Variants in AGBL1 observed in about 807,000 individuals in gnomAD.
AGBL1 encodes AGBL carboxypeptidase 1, also known as cytosolic carboxypeptidase 4.
A neutral mutation model predicts 118.9 loss-of-function variants in AGBL1; 130 were observed. The observed-to-expected ratio is 1.09, with a 90% confidence interval of 0.95 to 1.26. AGBL1 has a LOEUF of 1.26. Ranked by LOEUF, AGBL1 falls within the 50% of genes most tolerant of loss-of-function variation. The probability of loss-of-function intolerance (pLI) is 0.00; values close to 1 mark genes in which losing one functional copy is unlikely to be tolerated. For synonymous variants in AGBL1, 555 were observed against 478.9 expected (o/e 1.16, Z -2.08); for missense variants, 1,584 against 1,298.1 (o/e 1.22, Z -3.38).
chr15:86,200,397 C>T (rs1441790279), intron 5 of AGBL1, among the ~76,000 whole-genome samples: 1 of 152,140 alleles, frequency 6.6e-6, no homozygotes, highest in Non-Finnish European at 1.5e-5. Context: ...TTTATGCCAT[C>T]TATGGCATTT....
intron 1 of AGBL1, among the ~76,000 whole-genome samples, chr15:86,110,432 A>G (rs1292031106): frequency 6.6e-6 from 1 of 152,196 alleles, no homozygotes; most frequent in Non-Finnish European, 1.5e-5. Context: ...AAGAAAGAAA[A>G]ATATATTTAC....
intron 18 of AGBL1, among the ~76,000 whole-genome samples, chr15:86,429,605 A>G (rs2081910856): frequency 6.6e-6 from 1 of 152,180 alleles, no homozygotes; most frequent in African/African-American, 2.4e-5. Flanking sequence ...AGGAATCTAC[A>G]TGAAAGCTCC....
At chr15:86,616,359 A>AT (rs2084724910) in intron 21 of AGBL1, among the ~76,000 whole-genome samples, 1 of 151,584 alleles carries the variant, frequency 6.6e-6, no homozygotes, top group Non-Finnish European at 1.5e-5. Flanking sequence ...AAAAAAAAAA[A>AT]AAAAAAAAAA....
chr15:86,448,053 G>A (rs2082146229), intron 18 of AGBL1, among the ~76,000 whole-genome samples: 2 of 152,100 alleles, frequency 1.3e-5, no homozygotes, highest in South Asian at 2.1e-4. Context: ...GGTGTGGTGG[G>A]AGGGTCACCT....
intron 15 of AGBL1, among the ~76,000 whole-genome samples, chr15:86,273,895 T>C (rs2079201450): frequency 3.3e-5 from 5 of 152,214 alleles, no homozygotes. Context: ...TTGCATTTTC[T>C]TTCAGAAGTT....
intron 5 of AGBL1, among the ~76,000 whole-genome samples, chr15:86,190,996 G>C (rs1187560313): frequency 3.9e-5 from 6 of 152,086 alleles, no homozygotes; most frequent in Non-Finnish European, 8.8e-5. Flanking sequence ...CCAAAGGGTA[G>C]GATGCCAAAA....
At chr15:86,862,350 TATG>T (rs1451401891) in intron 22 of AGBL1, among the ~76,000 whole-genome samples, 1 of 152,346 alleles carries the variant, frequency 6.6e-6, no homozygotes, top group Non-Finnish European at 1.5e-5. Flanking sequence ...TCAAATTGTT[TATG>T]ATATTAGCCC....
chr15:86,344,732 A>G (rs1188554733), intron 17 of AGBL1, among the ~76,000 whole-genome samples: 2 of 152,114 alleles, frequency 1.3e-5, no homozygotes, highest in South Asian at 2.1e-4. Flanking sequence ...GATAATGCAA[A>G]TAAGGCACCT....
intron 22 of AGBL1, among the ~76,000 whole-genome samples, chr15:86,792,398 T>C (rs2141332618): frequency 6.6e-6 from 1 of 152,276 alleles, no homozygotes. Flanking sequence ...TTGGAAAGTG[T>C]CATTCCAAAT....
At position 86,827,449 on chromosome 15, in the gene AGBL1, G is replaced by GTATATA. The variant is rs1317318771; in HGVS notation, c.3159-79623_3159-79618dup. The stretch of plus-strand genomic sequence containing the variant: ...TATATACACATATATATATGTGTGT[G>GTATATA]TATATATATATATATATATACATAT... On this transcript the variant is annotated intron_variant, in intron 22 of 22. Transcript: ENST00000614907. Among the ~76,000 whole-genome samples, 2 of 4,290 alleles carry GTATATA rather than the reference G, an allele frequency of 4.7e-4. 1 individual carries two copies. Among genetic ancestry groups the GTATATA allele is most frequent in the Non-Finnish European group, 8.5e-4 (2 of 2,362 alleles). 2.8% of individuals were successfully genotyped at this position (4,290 alleles called of 152,430 possible).
intron 24 of AGBL1, among the ~76,000 whole-genome samples, chr15:87,003,542 A>G (rs2081464018): frequency 6.6e-6 from 1 of 152,192 alleles, no homozygotes. Flanking sequence ...GAATAGTTTC[A>G]GAAGGAATGG....
At chr15:86,547,279 G>A (rs1240401925) in intron 20 of AGBL1, among the ~76,000 whole-genome samples, 2 of 152,078 alleles carry the variant, frequency 1.3e-5, no homozygotes, top group African/African-American at 2.4e-5. Flanking sequence ...CATATAAAAT[G>A]ATCTCTTATA....
intron 17 of AGBL1, among the ~76,000 whole-genome samples, chr15:86,373,392 T>C (rs904131158): frequency 6.6e-6 from 1 of 152,172 alleles, no homozygotes; most frequent in Non-Finnish European, 1.5e-5. Context: ...GACAGAATAG[T>C]AATGGCTTAG....
At chr15:86,143,490 C>G (rs908514342) in intron 2 of AGBL1, among the ~76,000 whole-genome samples, 56 of 152,190 alleles carry the variant, frequency 3.7e-4, no homozygotes, top group African/African-American at 1.3e-3. Context: ...CAACTAGGTT[C>G]TTAAATATTC....
intron 23 of AGBL1, among the ~76,000 whole-genome samples, chr15:86,928,862 T>C (rs117661064): frequency 0.11 from 14,078 of 122,962 alleles, 788 homozygotes; most frequent in South Asian, 0.36. Context: ...ATAATTTTTT[T>C]CACATTTTAA....
intron 21 of AGBL1, among the ~76,000 whole-genome samples, chr15:86,576,185 A>T (rs1182681799): frequency 6.6e-6 from 1 of 152,228 alleles, no homozygotes; most frequent in Non-Finnish European, 1.5e-5. Context: ...TGTAGTCATC[A>T]GAAAGAAAAG....
intron 3 of AGBL1, among the ~76,000 whole-genome samples, chr15:86,148,101 T>C (rs578042720): frequency 3.3e-5 from 5 of 152,276 alleles, no homozygotes; most frequent in African/African-American, 9.6e-5. Flanking sequence ...ACAAAGATCA[T>C]CTACACCAAA....
At chr15:86,649,993 T>C (rs1475611341) in intron 21 of AGBL1, among the ~76,000 whole-genome samples, 2 of 152,196 alleles carry the variant, frequency 1.3e-5, no homozygotes, top group South Asian at 2.1e-4. Context: ...CATTAAGTCA[T>C]AGGACCAAAA....
chr15:86,670,631 A>C (rs1376595141), intron 21 of AGBL1, among the ~76,000 whole-genome samples: 2 of 66,048 alleles, frequency 3.0e-5, no homozygotes, highest in Non-Finnish European at 3.1e-5. Flanking sequence ...ACACACAAAC[A>C]CGCTGTGTGT....
Sources: allele counts gnomAD v4.1 joint callset (sites outside exome capture counted in the v4.1 genomes callset), GRCh38; gene constraint gnomAD v4.1.1; transcripts MANE v1.5; gene names NCBI Gene and HGNC (gene_info 2026-07-23, HGNC 2026-07-21).